The following FSTL5 variants were observed in gnomAD, a reference collection of about 807,000 sequenced individuals.
The protein encoded by FSTL5 is follistatin-related protein 5.
A neutral mutation model predicts 89.1 loss-of-function variants in FSTL5; 62 were observed. The ratio of observed to expected loss-of-function variants is 0.70; its 90% CI spans 0.57 to 0.86. The LOEUF (loss-of-function observed/expected upper bound fraction) is 0.86. FSTL5 is among the 40% of genes least tolerant of loss of function. The probability of loss-of-function intolerance (pLI) is 0.00; values close to 1 mark genes in which losing one functional copy is unlikely to be tolerated. For missense variants in FSTL5, 1,057 were observed against 1,001.6 expected (o/e 1.06, Z -0.75); for synonymous variants, 383 against 346.2 (o/e 1.11, Z -1.18).
chr4:161,537,512 C>T (rs1440055593), intron 10 of FSTL5, among the ~76,000 whole-genome samples: 7 of 152,170 alleles, frequency 4.6e-5, no homozygotes, highest in Non-Finnish European at 7.3e-5. Flanking sequence ...GCAATCCATC[C>T]TCAGCATCCC....
chr4:161,749,822 A>G (rs931349388), intron 6 of FSTL5, among the ~76,000 whole-genome samples: 1 of 151,204 alleles, frequency 6.6e-6, no homozygotes, highest in African/African-American at 2.4e-5. Flanking sequence ...TAAATAAATA[A>G]ATAATAATAA....
intron 7 of FSTL5, among the ~76,000 whole-genome samples, chr4:161,627,805 T>C (rs931391861): frequency 1.3e-5 from 2 of 152,158 alleles, no homozygotes; most frequent in African/African-American, 2.4e-5. Flanking sequence ...CATTTTAGTC[T>C]ATATATTAAA....
At chr4:161,906,266 A>G (rs557340272) in intron 4 of FSTL5, among the ~76,000 whole-genome samples, 37 of 152,292 alleles carry the variant, frequency 2.4e-4, no homozygotes, top group African/African-American at 8.9e-4. Context: ...GGTTAAAGTA[A>G]AGAAATTCAC....
chr4:161,761,898 A>G, intron 5 of FSTL5, among the ~76,000 whole-genome samples: 1 of 152,172 alleles, frequency 6.6e-6, no homozygotes, highest in East Asian at 1.9e-4. Flanking sequence ...TCAATGAAAT[A>G]CCCCACTTAA....
chr4:161,698,270 A>C (rs147957522), intron 6 of FSTL5, among the ~76,000 whole-genome samples: 1 of 152,294 alleles, frequency 6.6e-6, no homozygotes, highest in Non-Finnish European at 1.5e-5. Context: ...GTGAGAAATA[A>C]ATGTTTGTTG....
intron 2 of FSTL5, among the ~76,000 whole-genome samples, chr4:162,062,921 T>C (rs1034914408): frequency 4.0e-5 from 6 of 151,730 alleles, no homozygotes; most frequent in Admixed American, 2.6e-4. Flanking sequence ...TACCCAGTAT[T>C]TTATAAATAA....
At chr4:161,979,013 G>T (rs904124715) in intron 3 of FSTL5, among the ~76,000 whole-genome samples, 1 of 152,114 alleles carries the variant, frequency 6.6e-6, no homozygotes, top group Non-Finnish European at 1.5e-5. Context: ...TAATTTAAAT[G>T]TGAATATCCC....
intron 2 of FSTL5, among the ~76,000 whole-genome samples, chr4:162,039,888 C>T (rs372549678): frequency 6.6e-5 from 10 of 152,002 alleles, no homozygotes; most frequent in African/African-American, 2.4e-4. Context: ...CTACAGTAAA[C>T]TGATGATATA....
chr4:161,560,950 A>C (rs1025559162), intron 8 of FSTL5, among the ~76,000 whole-genome samples: 2 of 152,018 alleles, frequency 1.3e-5, no homozygotes, highest in African/African-American at 4.8e-5. Context: ...ATTATTATCA[A>C]GTATTATGTA....
chr4:161,560,832 A>G (rs1172320406), intron 8 of FSTL5, among the ~76,000 whole-genome samples: 1 of 152,018 alleles, frequency 6.6e-6, no homozygotes, highest in Non-Finnish European at 1.5e-5. Flanking sequence ...TACCTGCCTA[A>G]GGCTGTTTTA....
At chr4:161,795,422 C>G (rs1057011715) in intron 4 of FSTL5, among the ~76,000 whole-genome samples, 11 of 151,980 alleles carry the variant, frequency 7.2e-5, no homozygotes, top group African/African-American at 2.7e-4. Flanking sequence ...GAGGAAGGCC[C>G]GGAAGAACCC....
chr4:161,457,219 T>G (rs1221214092), intron 14 of FSTL5, among the ~76,000 whole-genome samples: 1 of 152,194 alleles, frequency 6.6e-6, no homozygotes, highest in African/African-American at 2.4e-5. Context: ...TATATCTATA[T>G]TCATATAACA....
At chr4:161,983,701 A>G (rs570694394) in intron 3 of FSTL5, among the ~76,000 whole-genome samples, 9 of 152,310 alleles carry the variant, frequency 5.9e-5, no homozygotes, top group African/African-American at 1.9e-4. Context: ...CAAAAATTAG[A>G]GACATATCTT....
At chr4:161,620,683 A>G (rs1735090762) in intron 7 of FSTL5, among the ~76,000 whole-genome samples, 1 of 152,276 alleles carries the variant, frequency 6.6e-6, no homozygotes, top group South Asian at 2.1e-4. Flanking sequence ...ACAAAAACAA[A>G]AAAGTGCTAA....
At chr4:161,505,394 A>T (rs191002571) in intron 11 of FSTL5, among the ~76,000 whole-genome samples, 18 of 152,310 alleles carry the variant, frequency 1.2e-4, no homozygotes, top group Middle Eastern at 3.4e-3. Context: ...TTCTTGCTAG[A>T]AAGTTTTTTA....
intron 7 of FSTL5, among the ~76,000 whole-genome samples, chr4:161,594,858 C>A (rs116223361): frequency 6.6e-6 from 1 of 151,718 alleles, no homozygotes. Context: ...ATGTCGAGTG[C>A]TATGCCGAAC....
chr4:161,402,437 C>A (rs1007666402), intron 15 of FSTL5, among the ~76,000 whole-genome samples: 5 of 152,082 alleles, frequency 3.3e-5, no homozygotes, highest in African/African-American at 9.7e-5. Flanking sequence ...TGAAACAATG[C>A]CACATTGTGT....
At chr4:161,693,618 T>C (rs1255210194) in intron 6 of FSTL5, among the ~76,000 whole-genome samples, 3 of 150,528 alleles carry the variant, frequency 2.0e-5, no homozygotes, top group African/African-American at 7.3e-5. Flanking sequence ...CAAATGTTGA[T>C]AGTATTTTCT....
At chr4:162,090,175 T>C (rs559909347) in intron 2 of FSTL5, among the ~76,000 whole-genome samples, 1 of 152,206 alleles carries the variant, frequency 6.6e-6, no homozygotes, top group African/African-American at 2.4e-5. Flanking sequence ...ATCCTGCACA[T>C]AGGAACAGGC....
Sources: gnomAD v4.1 joint callset for allele counts (sites outside exome capture counted in the v4.1 genomes callset) on GRCh38, gnomAD v4.1.1 for gene constraint, MANE v1.5 for transcripts, NCBI Gene and HGNC (gene_info 2026-07-23, HGNC 2026-07-21) for gene names.